Variants in SMOX observed in about 807,000 individuals in gnomAD.
SMOX encodes flavin containing amine oxidase.
In SMOX, 22 loss-of-function variants were observed where a neutral mutation model predicts 51.0. The ratio of observed to expected loss-of-function variants is 0.43; its 90% CI spans 0.31 to 0.62. The LOEUF (loss-of-function observed/expected upper bound fraction) is 0.62, where lower values mean the gene tolerates loss of function less well. SMOX is among the 20% of genes least tolerant of loss of function. The probability of loss-of-function intolerance (pLI) is 0.10; values close to 1 mark genes in which losing one functional copy is unlikely to be tolerated. For synonymous variants in SMOX, 282 were observed against 307.8 expected (o/e 0.92, Z 0.88); for missense variants, 566 against 777.7 (o/e 0.73, Z 3.24).
chr20:4,169,881 C>T (rs985386315), intron 1 of SMOX, among the ~76,000 whole-genome samples: 14 of 151,950 alleles, frequency 9.2e-5, no homozygotes, highest in Non-Finnish European at 1.6e-4. Context: ...TTCAGGTGGG[C>T]GGGGCTGGGG....
chr20:4,153,095 C>T lies in SMOX; in HGVS notation c.-27+4118C>T, dbSNP rs559288253. ...GGTGGGAAAGAAGGTAGAAGGGGTCCTCGCTTGGAGTGGGTGACCGAATTT... is the reference window on the plus strand; with the variant it reads ...GGTGGGAAAGAAGGTAGAAGGGGTCTTCGCTTGGAGTGGGTGACCGAATTT... On this transcript the variant is annotated intron_variant, in intron 1 of 6. Transcript: ENST00000305958. The surrounding 1 kb of genome is among the most constrained non-coding windows in gnomAD (Gnocchi z 4.4). Among the ~76,000 whole-genome samples, 31 of 152,266 alleles carry T rather than the reference C, an allele frequency of 2.0e-4. No individual in the cohort carries two copies. Among genetic ancestry groups the T allele is most frequent in the African/African-American group, 6.7e-4 (28 of 41,548 alleles).
rs2122363605 is a variant in SMOX, at chr20:4,153,207, G to A, written c.-27+4230G>A. ...GCATCACGTACACTGTGATTTTGGG[G>A]TGCTGGGAAGGTCTGCTGCTTCTGG... On this transcript the variant is annotated intron_variant, in intron 1 of 6. Transcript: ENST00000305958. This position sits in a 1 kb window ranked among gnomAD's most constrained non-coding sequence, Gnocchi z 4.4. 6.6e-6 allele frequency among the ~76,000 whole-genome samples: 1 copy of A among 152,316 alleles called. No individual in the cohort carries two copies.
chr20:4,173,216 C>T (rs1477686400), intron 1 of SMOX, among the ~76,000 whole-genome samples: 1 of 152,198 alleles, frequency 6.6e-6, no homozygotes, highest in Non-Finnish European at 1.5e-5. Flanking sequence ...AAAGGCCCCT[C>T]CTGCCCCCTT....
chr20:4,159,741 C>T (rs1204445045), intron 1 of SMOX, among the ~76,000 whole-genome samples: 5 of 152,242 alleles, frequency 3.3e-5, no homozygotes, highest in Non-Finnish European at 4.4e-5. Flanking sequence ...TATGTCCAAA[C>T]TCAGCGTCTC....
intron 1 of SMOX, among the ~76,000 whole-genome samples, chr20:4,160,032 C>G (rs1986231936): frequency 6.6e-6 from 1 of 152,168 alleles, no homozygotes; most frequent in Non-Finnish European, 1.5e-5. Context: ...TTTGAATTTT[C>G]TTTTGTGCTG....
At chr20:4,158,160 A>G (rs1367678241) in intron 1 of SMOX, among the ~76,000 whole-genome samples, 1 of 151,980 alleles carries the variant, frequency 6.6e-6, no homozygotes, top group African/African-American at 2.4e-5. Context: ...TTGGCCTCCC[A>G]AAGTGCTGGG....
At position 4,149,738 on chromosome 20, in the gene SMOX, C is replaced by T. The variant is rs574096618; in HGVS notation, c.-27+761C>T. Among the ~76,000 whole-genome samples the T allele has an allele frequency of 1.3e-5, 2 of 152,232 alleles. No individual in the cohort carries two copies. The highest frequency in any genetic ancestry group is 6.5e-5 in the Admixed American group (1 of 15,298). On this transcript the variant is annotated intron_variant, in intron 1 of 6. Transcript: ENST00000305958. This position sits in a 1 kb window ranked among gnomAD's most constrained non-coding sequence, Gnocchi z 6.0. ...GAGCTTGCGCCAGGGGGACTTGGCC[C>T]GATGAGATACGCTCGGTGCCCGGCA...
rs1221241475 is a variant in SMOX at position 4,181,022 on chromosome 20, C to CT, written c.436-779dup. Among the ~76,000 whole-genome samples, 1 of 152,186 alleles carries CT rather than the reference C, an allele frequency of 6.6e-6. No individual in the cohort carries two copies. The highest frequency in any genetic ancestry group is 1.5e-5 in the Non-Finnish European group (1 of 68,042). The stretch of plus-strand genomic sequence containing the variant: ...TTCCTTCAGGGAGCTCTGCCCAGTG[C>CT]TTAGTGGGGACTGTATATGAGACAG... On this transcript the variant is annotated intron_variant, in intron 3 of 6. Coordinates refer to ENST00000305958, the MANE Select transcript of SMOX (RefSeq NM_175839.3). The surrounding 1 kb of genome is among the most constrained non-coding windows in gnomAD (Gnocchi z 5.6).
Position 4,182,707 on chromosome 20 carries a change from G to A in SMOX, c.1228G>A (p.Gly410Ser), listed in dbSNP as rs558532128. The change falls in exon 5 of 7, where the codon GGC (glycine) becomes AGC (serine). Residue 410 changes from glycine (G) to serine (S), a missense_variant. Around this residue, in one of 3 missense-constraint regions of SMOX, gnomAD observed 347 missense variants for 481.8 expected, o/e 0.72. Transcript: ENST00000305958. The surrounding 1 kb of genome is among the most constrained non-coding windows in gnomAD (Gnocchi z 8.4). Reference sequence around the variant, plus strand: ...TGAGCTCTGGTACCGCAAGATCTGCGGCTTTGATGTCCTCTACCCGCCTGA... The same window carrying A: ...TGAGCTCTGGTACCGCAAGATCTGCAGCTTTGATGTCCTCTACCCGCCTGA... ...PPELWYRKIC[G>S]FDVLYPPERY... 1.1e-5 allele frequency: 17 copies of A among 1,614,150 alleles called. No individual in the cohort carries two copies. In the Admixed American group the frequency reaches 2.0e-4, roughly 19 times the overall value.
At chr20:4,162,258 C>T (rs1453277188) in intron 1 of SMOX, among the ~76,000 whole-genome samples, 1 of 152,128 alleles carries the variant, frequency 6.6e-6, no homozygotes, top group Non-Finnish European at 1.5e-5. Context: ...TCCCGACTCC[C>T]AACTCCCAGG....
Position 4,183,436 on chromosome 20 carries a change from T to A in SMOX, c.1370-58T>A. On this transcript the variant is annotated intron_variant, in intron 5 of 6. Coordinates refer to ENST00000305958, the MANE Select transcript of SMOX (RefSeq NM_175839.3). This position sits in a 1 kb window ranked among gnomAD's most constrained non-coding sequence, Gnocchi z 4.3. ...GGGGGGTTGTCCCTTTGGGGTCATC[T>A]TCCATATGCAGCCATTTCTTATCCT... 1.2e-6 allele frequency: 2 copies of A among 1,613,384 alleles called. No individual in the cohort carries two copies. The highest frequency in any genetic ancestry group is 1.7e-6 in the Non-Finnish European group (2 of 1,179,656).
At chr20:4,185,072 G>A (rs570661011) in intron 6 of SMOX, among the ~76,000 whole-genome samples, 74 of 152,342 alleles carry the variant, frequency 4.9e-4, no homozygotes, top group African/African-American at 1.6e-3. Context: ...GCACTTTAAT[G>A]CTTATTGGCC....
intron 1 of SMOX, among the ~76,000 whole-genome samples, chr20:4,155,422 G>A (rs909087079): frequency 4.6e-5 from 7 of 151,870 alleles, no homozygotes; most frequent in Non-Finnish European, 1.0e-4. Context: ...GAGTGGGGGG[G>A]GCCTGGATGC....
intron 1 of SMOX, among the ~76,000 whole-genome samples, chr20:4,152,885 A>T (rs1240915085): frequency 6.6e-6 from 1 of 152,250 alleles, no homozygotes; most frequent in African/African-American, 2.4e-5. Flanking sequence ...GGACTGAGTC[A>T]TAGTCATACA....
intron 3 of SMOX, among the ~76,000 whole-genome samples, chr20:4,178,689 T>TTTCTTTC (rs1555815773): frequency 4.7e-4 from 7 of 14,860 alleles, no homozygotes; most frequent in South Asian, 3.4e-3. Context: ...TCTTTCTTTC[T>TTTCTTTC]TTTTTTTTTT....
At chr20:4,162,796 A>G (rs1231169918) in intron 1 of SMOX, among the ~76,000 whole-genome samples, 2 of 152,222 alleles carry the variant, frequency 1.3e-5, no homozygotes, top group Non-Finnish European at 2.9e-5. Flanking sequence ...TCTTTCCAAG[A>G]TCACTCAGAG....
In SMOX at chr20:4,182,632, C is replaced by T. The variant is rs1186776645; in HGVS notation, c.1153C>T (p.Gln385Ter). ...PFWGPECNSL[Q>*]FVWEDEAESH... ...CTGGGGCCCTGAGTGCAACAGCCTA[C>T]AGTTTGTGTGGGAGGACGAAGCAGA... Residue 385 changes from glutamine to a stop codon, truncating the protein, a stop_gained, in exon 5 of 7, where the codon CAG becomes TAG. Transcript: ENST00000305958. LOFTEE classifies it high-confidence loss of function. This position sits in a 1 kb window ranked among gnomAD's most constrained non-coding sequence, Gnocchi z 8.4. The T allele has an allele frequency of 1.2e-6, 2 of 1,613,974 alleles. No homozygotes were observed. Among genetic ancestry groups the T allele is most frequent in the Admixed American group, 1.7e-5 (1 of 59,994 alleles).
intron 1 of SMOX, among the ~76,000 whole-genome samples, chr20:4,163,811 T>C (rs1986440951): frequency 6.6e-6 from 1 of 152,172 alleles, no homozygotes; most frequent in African/African-American, 2.4e-5. Context: ...CCTCCCCACA[T>C]GGTGACTGGC....
In SMOX at chr20:4,177,655, A is replaced by C. The variant is rs1246869348; in HGVS notation, c.435+78A>C. On this transcript the variant is annotated intron_variant, in intron 3 of 6. Coordinates refer to ENST00000305958, the MANE Select transcript of SMOX (RefSeq NM_175839.3). This position sits in a 1 kb window ranked among gnomAD's most constrained non-coding sequence, Gnocchi z 4.3. ...TCTGTGATTCTGGTCGTGTCTCTGC[A>C]CACTCCCTGGGCCTTGCATTTGGAA... 3 of 1,350,524 alleles carry C rather than the reference A, an allele frequency of 2.2e-6. No homozygotes were observed. The East Asian group carries it at 7.5e-5, about 34-fold the overall frequency. 83.7% of individuals were successfully genotyped at this position (1,350,524 alleles called of 1,614,324 possible). A position where few individuals can be genotyped will look rare whatever the true frequency, so the allele number is the denominator to read the frequency against.
Sources: allele counts gnomAD v4.1 joint callset (sites outside exome capture counted in the v4.1 genomes callset), GRCh38; gene constraint gnomAD v4.1.1; regional missense constraint gnomAD v4.1.1; non-coding constraint Gnocchi (gnomAD v3.1); transcripts MANE v1.5; gene names NCBI Gene and HGNC (gene_info 2026-07-23, HGNC 2026-07-21).